NLGN1: variants seen among roughly 807,000 people sequenced by gnomAD.
NLGN1 encodes the protein neuroligin-1.
In NLGN1, 12 loss-of-function variants were observed where a neutral mutation model predicts 65.5. The ratio of observed to expected loss-of-function variants is 0.18; its 90% CI spans 0.12 to 0.30. The LOEUF (loss-of-function observed/expected upper bound fraction) is 0.30. Ranked by LOEUF, NLGN1 falls within the 10% of genes least tolerant of loss-of-function variation. The pLI, the probability that NLGN1 is intolerant of heterozygous loss-of-function variation, is 1.00. For synonymous variants in NLGN1, 350 were observed against 359.5 expected, an observed-to-expected ratio of 0.97 and a Z score of 0.30; for missense variants, 750 against 1,007.1, an observed-to-expected ratio of 0.74 and a Z score of 3.46.
chr3:174,272,982 A>G (rs1477684569), intron 4 of NLGN1, among the ~76,000 whole-genome samples: 1 of 151,318 alleles, frequency 6.6e-6, no homozygotes, highest in Non-Finnish European at 1.5e-5. Flanking sequence ...TATAAAGTAG[A>G]AGTTACTTTT....
chr3:173,638,115 G>A (rs1469098087), intron 3 of NLGN1, among the ~76,000 whole-genome samples: 3 of 151,380 alleles, frequency 2.0e-5, no homozygotes, highest in East Asian at 1.9e-4. Context: ...CCTGTTTTAC[G>A]CCAGTTCACT....
intron 4 of NLGN1, among the ~76,000 whole-genome samples, chr3:174,076,772 CAT>C (rs796127980): frequency 1.3e-4 from 18 of 143,658 alleles, no homozygotes; most frequent in South Asian, 9.0e-4. Context: ...TTTATCCTCA[CAT>C]GTGTGTATGT....
chr3:173,416,610 T>C (rs1713848287), intron 1 of NLGN1, among the ~76,000 whole-genome samples: 2 of 152,214 alleles, frequency 1.3e-5, no homozygotes, highest in South Asian at 4.1e-4. Context: ...TCCTGAGGCT[T>C]TTTCTGGTAA....
Position 173,588,204 on chromosome 3 carries a change from T to C in NLGN1, c.-320-16075T>C, listed in dbSNP as rs182451572. Among the ~76,000 whole-genome samples the C allele has an allele frequency of 9.9e-3, 1,505 of 152,332 alleles. 15 individuals carry two copies. The highest frequency in any genetic ancestry group is 0.014 in the Non-Finnish European group (964 of 68,014). On this transcript the variant is annotated intron_variant, in intron 2 of 6. Coordinates refer to ENST00000457714, the Ensembl canonical transcript of NLGN1. ...ATGATGAGTCTAATGTTTTTATTGC[T>C]TTTTAAGAGATAATTTAAAACATCA...
chr3:173,835,053 C>T (rs1723344139), intron 4 of NLGN1, among the ~76,000 whole-genome samples: 1 of 152,122 alleles, frequency 6.6e-6, no homozygotes. Flanking sequence ...CTAATAATCC[C>T]TCTAAATGTA....
At chr3:173,405,096 CA>C (rs1718385056) in intron 1 of NLGN1, among the ~76,000 whole-genome samples, 1 of 152,068 alleles carries the variant, frequency 6.6e-6, no homozygotes. Context: ...TCTTCTGAAT[CA>C]TTTTTTGACT....
chr3:173,919,061 A>G (rs1488700887), intron 4 of NLGN1, among the ~76,000 whole-genome samples: 2 of 151,812 alleles, frequency 1.3e-5, no homozygotes, highest in African/African-American at 2.4e-5. Context: ...TCACTCTCCT[A>G]CCTCTCTCCT....
chr3:174,121,110 C>G (rs1247932977), intron 4 of NLGN1, among the ~76,000 whole-genome samples: 1 of 152,182 alleles, frequency 6.6e-6, no homozygotes, highest in African/African-American at 2.4e-5. Context: ...CCTTTAGAGT[C>G]AACTGGGTAG....
intron 4 of NLGN1, among the ~76,000 whole-genome samples, chr3:174,095,741 T>G (rs1027912121): frequency 2.0e-5 from 3 of 152,050 alleles, no homozygotes; most frequent in Admixed American, 6.6e-5. Context: ...GACTCACACC[T>G]GTAATCCCAG....
intron 4 of NLGN1, among the ~76,000 whole-genome samples, chr3:173,832,684 T>C (rs1722843914): frequency 6.6e-6 from 1 of 152,202 alleles, no homozygotes; most frequent in Non-Finnish European, 1.5e-5. Flanking sequence ...AACTTCTATC[T>C]CACGTTAAAA....
intron 2 of NLGN1, among the ~76,000 whole-genome samples, chr3:173,461,544 CATA>C (rs1477476062): frequency 1.4e-4 from 21 of 152,014 alleles, no homozygotes; most frequent in Non-Finnish European, 1.2e-4. Flanking sequence ...CTCCATTCTG[CATA>C]ATATGATATT....
At chr3:174,001,886 T>C (rs1723362138) in intron 4 of NLGN1, among the ~76,000 whole-genome samples, 1 of 152,028 alleles carries the variant, frequency 6.6e-6, no homozygotes, top group Non-Finnish European at 1.5e-5. Flanking sequence ...ATGTACAGAA[T>C]AACCTCCAAA....
At chr3:173,709,899 A>G (rs915939869) in intron 3 of NLGN1, among the ~76,000 whole-genome samples, 2 of 151,710 alleles carry the variant, frequency 1.3e-5, no homozygotes, top group African/African-American at 2.4e-5. Flanking sequence ...GCTACATTTT[A>G]AAAACTTGGT....
intron 3 of NLGN1, among the ~76,000 whole-genome samples, chr3:173,657,222 T>C (rs1760184680): frequency 6.6e-6 from 1 of 152,042 alleles, no homozygotes; most frequent in African/African-American, 2.4e-5. Context: ...AATCTGGAGA[T>C]CCTCTGCTTC....
intron 3 of NLGN1, among the ~76,000 whole-genome samples, chr3:173,616,249 G>A (rs562729391): frequency 6.6e-6 from 1 of 152,198 alleles, no homozygotes; most frequent in African/African-American, 2.4e-5. Flanking sequence ...AAATATGTGT[G>A]TGTTCTCTTT....
chr3:173,788,564 A>G (rs2150354159), intron 3 of NLGN1, among the ~76,000 whole-genome samples: 1 of 152,176 alleles, frequency 6.6e-6, no homozygotes, highest in South Asian at 2.1e-4. Context: ...TTCTATTCCC[A>G]ATTAACTAAT....
At chr3:174,187,506 G>A (rs1731625938) in intron 4 of NLGN1, among the ~76,000 whole-genome samples, 1 of 151,942 alleles carries the variant, frequency 6.6e-6, no homozygotes. Flanking sequence ...TGCTTTCAGA[G>A]TTTAGAGAGA....
At chr3:173,636,225 G>T (rs1213718669) in intron 3 of NLGN1, among the ~76,000 whole-genome samples, 1 of 151,850 alleles carries the variant, frequency 6.6e-6, no homozygotes, top group African/African-American at 2.4e-5. Flanking sequence ...CACCGCTGCT[G>T]CATCCCTGCA....
Position 174,247,812 on chromosome 3 carries a change from T to C in NLGN1, c.647-27503T>C, listed in dbSNP as rs1448301538. 1.3e-4 allele frequency among the ~76,000 whole-genome samples: 20 copies of C among 152,228 alleles called. 3 individuals carry two copies. Among genetic ancestry groups the C allele is most frequent in the Admixed American group, 1.3e-3 (20 of 15,284 alleles). On this transcript the variant is annotated intron_variant, in intron 4 of 6. Coordinates refer to ENST00000457714, the Ensembl canonical transcript of NLGN1. ...CAGACGTTTTCAGGCTCCACAGTGA[T>C]GGCTACTGCTCTGCTTTGCTCCAAT... is the stretch of plus-strand genomic sequence containing the variant.
Sources: allele counts gnomAD v4.1 joint callset (sites outside exome capture counted in the v4.1 genomes callset), GRCh38; gene constraint gnomAD v4.1.1; transcripts MANE v1.5; gene names NCBI Gene and HGNC (gene_info 2026-07-23, HGNC 2026-07-21).